SLC25A13: variants seen among roughly 807,000 people sequenced by gnomAD.
SLC25A13 encodes electrogenic aspartate/glutamate antiporter SLC25A13, mitochondrial.
A neutral mutation model predicts 85.5 loss-of-function variants in SLC25A13; 70 were observed. The observed-to-expected ratio is 0.82, with a 90% confidence interval of 0.68 to 1.00. SLC25A13 has a LOEUF of 1.00. Among genes scored for constraint, SLC25A13 ranks in the 50% least tolerant of loss-of-function variants. The pLI, the probability that SLC25A13 is intolerant of heterozygous loss-of-function variation, is 0.00. For missense variants in SLC25A13, 765 were observed against 819.8 expected, an observed-to-expected ratio of 0.93 and a Z score of 0.82; for synonymous variants, 259 against 288.7, an observed-to-expected ratio of 0.90 and a Z score of 1.04.
At position 96,191,246 on chromosome 7, in the gene SLC25A13, G is replaced by A; in HGVS notation, c.617C>T (p.Ala206Val). 1 of 1,613,678 alleles carries A rather than the reference G, an allele frequency of 6.2e-7. No individual in the cohort carries two copies. The highest frequency in any genetic ancestry group is 8.5e-7 in the Non-Finnish European group (1 of 1,179,898). Residue 206 changes from alanine to valine, a missense_variant and splice_region_variant, in exon 7 of 18, where the codon GCT becomes GTT. Physicochemically the swap from Ala to Val is moderately conservative, Grantham distance 64. Coordinates refer to ENST00000265631, the MANE Select transcript of SLC25A13 (RefSeq NM_014251.3). Reference protein sequence around the residue: ...TPFVEECLVAAAGGTTSHQVS... With the variant: ...TPFVEECLVAVAGGTTSHQVS... ...TTGATGGGATGTGGTACCTCCAGCA[G>A]CCTCAAATAAATTGAAAACAAGAGA...
intron 1 of SLC25A13, among the ~76,000 whole-genome samples, chr7:96,318,388 A>G: frequency 6.6e-6 from 1 of 152,212 alleles, no homozygotes; most frequent in South Asian, 2.1e-4. Context: ...CTGTTTTTTT[A>G]TGGCAGTTTT....
chr7:96,246,145 C>T (rs889518353), intron 3 of SLC25A13, among the ~76,000 whole-genome samples: 1 of 152,238 alleles, frequency 6.6e-6, no homozygotes. Context: ...AGGGCACACA[C>T]TGCCAAATCC....
At chr7:96,286,381 G>A (rs529263428) in intron 2 of SLC25A13, among the ~76,000 whole-genome samples, 12 of 151,318 alleles carry the variant, frequency 7.9e-5, no homozygotes, top group South Asian at 2.1e-4. Flanking sequence ...CCTGTGCCCC[G>A]AGCCAGCCCA....
chr7:96,287,808 A>C (rs1277253693), intron 2 of SLC25A13, among the ~76,000 whole-genome samples: 1 of 152,218 alleles, frequency 6.6e-6, no homozygotes, highest in African/African-American at 2.4e-5. Context: ...AGAAAACAGA[A>C]GTAACAGATA....
At chr7:96,291,912 T>G (rs1379903010) in intron 2 of SLC25A13, among the ~76,000 whole-genome samples, 7 of 152,184 alleles carry the variant, frequency 4.6e-5, no homozygotes, top group Non-Finnish European at 8.8e-5. Context: ...GAGGGAATCC[T>G]CCCTAACTCA....
chr7:96,279,290 C>G (rs988776735), intron 2 of SLC25A13, among the ~76,000 whole-genome samples: 18 of 151,966 alleles, frequency 1.2e-4, no homozygotes, highest in African/African-American at 4.1e-4. Context: ...ATTTTTTTCT[C>G]CTTTGAAATT....
At chr7:96,321,599 C>CA (rs1259190036) in intron 1 of SLC25A13, among the ~76,000 whole-genome samples, 1 of 152,194 alleles carries the variant, frequency 6.6e-6, no homozygotes, top group Non-Finnish European at 1.5e-5. Context: ...AGAGGACCCC[C>CA]AGCGCTTGCC....
intron 13 of SLC25A13, 25 bp from the exon 14 acceptor site, chr7:96,146,721 G>T (rs367766651): frequency 8.1e-6 from 13 of 1,613,632 alleles, no homozygotes; most frequent in Non-Finnish European, 1.1e-5. Flanking sequence ...AAAGATTTAG[G>T]ATCAAAGCAA....
At chr7:96,269,450 G>A (rs970272703) in intron 3 of SLC25A13, among the ~76,000 whole-genome samples, 3 of 152,206 alleles carry the variant, frequency 2.0e-5, no homozygotes, top group Non-Finnish European at 4.4e-5. Context: ...AGGGGTCACT[G>A]ACTGGAAAAT....
chr7:96,166,657 T>C (rs1188111067), intron 13 of SLC25A13, among the ~76,000 whole-genome samples: 1 of 152,204 alleles, frequency 6.6e-6, no homozygotes, highest in African/African-American at 2.4e-5. Context: ...CTACAGATCA[T>C]ATTGCATTAC....
intron 15 of SLC25A13, among the ~76,000 whole-genome samples, chr7:96,130,867 C>T (rs926929493): frequency 3.3e-5 from 5 of 152,156 alleles, no homozygotes; most frequent in African/African-American, 1.2e-4. Context: ...TACACAGGTT[C>T]CTGCATCCAG....
intron 2 of SLC25A13, among the ~76,000 whole-genome samples, chr7:96,284,819 C>T (rs997440138): frequency 1.3e-5 from 2 of 152,194 alleles, no homozygotes; most frequent in African/African-American, 4.8e-5. Flanking sequence ...GCCTCTCTAG[C>T]CATGTGGAAC....
At chr7:96,126,915 T>A (rs188028584) in intron 15 of SLC25A13, among the ~76,000 whole-genome samples, 131 of 151,910 alleles carry the variant, frequency 8.6e-4, no homozygotes, top group African/African-American at 2.7e-3. Context: ...TATGTCCACA[T>A]AATTAACAAA....
At chr7:96,289,852 G>A (rs1001098318) in intron 2 of SLC25A13, among the ~76,000 whole-genome samples, 1 of 152,176 alleles carries the variant, frequency 6.6e-6, no homozygotes, top group African/African-American at 2.4e-5. Context: ...TAATATCCAG[G>A]AGAACTTCCC....
At chr7:96,177,164 T>A (rs1562817876) in intron 11 of SLC25A13, among the ~76,000 whole-genome samples, 1 of 152,180 alleles carries the variant, frequency 6.6e-6, no homozygotes, top group African/African-American at 2.4e-5. Flanking sequence ...GCCTGAATCA[T>A]GTTCACAGTC....
intron 3 of SLC25A13, among the ~76,000 whole-genome samples, chr7:96,255,024 C>T (rs1259615448): frequency 6.6e-6 from 1 of 152,098 alleles, no homozygotes; most frequent in Non-Finnish European, 1.5e-5. Flanking sequence ...AAATGAACCT[C>T]CCTATATATA....
chr7:96,186,842 A>T (rs927763908), intron 9 of SLC25A13, among the ~76,000 whole-genome samples: 3 of 152,184 alleles, frequency 2.0e-5, no homozygotes, highest in Admixed American at 1.3e-4. Context: ...AAATGATGTC[A>T]CTTTTTATTA....
At chr7:96,250,059 T>C (rs1797355457) in intron 3 of SLC25A13, among the ~76,000 whole-genome samples, 1 of 152,030 alleles carries the variant, frequency 6.6e-6, no homozygotes, top group Admixed American at 6.6e-5. Flanking sequence ...GACACACGCC[T>C]GTGATCCCAG....
chr7:96,227,657 A>G (rs1183342793), intron 4 of SLC25A13, among the ~76,000 whole-genome samples: 1 of 151,982 alleles, frequency 6.6e-6, no homozygotes, highest in Non-Finnish European at 1.5e-5. Context: ...AGTGCAATAA[A>G]GAAAAGAACC....
Sources: gnomAD v4.1 joint callset for allele counts (sites outside exome capture counted in the v4.1 genomes callset) on GRCh38, gnomAD v4.1.1 for gene constraint, MANE v1.5 for transcripts, NCBI Gene and HGNC (gene_info 2026-07-23, HGNC 2026-07-21) for gene names.